Variants in CBX7 observed in about 807,000 individuals in gnomAD.
CBX7 encodes the protein chromobox protein homolog 7.
CBX7 carries 14 observed loss-of-function variants against 31.4 expected under a neutral mutation model. That is an observed-to-expected ratio of 0.45 (90% CI 0.29 to 0.70). The LOEUF is 0.70. Among genes scored for constraint, CBX7 ranks in the 30% least tolerant of loss-of-function variants. CBX7 has a pLI of 0.11. For missense variants in CBX7, 269 were observed against 351.9 expected (o/e 0.76, Z 1.89); for synonymous variants, 159 against 152.6 (o/e 1.04, Z -0.31).
At position 39,152,381 on chromosome 22, in the gene CBX7, G is replaced by A; in HGVS notation, c.64C>T (p.Arg22Trp). 2 of 1,398,738 alleles carry A rather than the reference G, an allele frequency of 1.4e-6. No individual in the cohort carries two copies. The highest frequency in any genetic ancestry group is 1.9e-6 in the Non-Finnish European group (2 of 1,068,838). The allele number at this position is 1,398,738 out of a possible 1,614,324, so 86.6% of individuals were successfully genotyped here. A position where few individuals can be genotyped will look rare whatever the true frequency, so the allele number is the denominator to read the frequency against. ...CCGCCCCCGGGCAGCCTCACCTTCC[G>A]CACGCGCTTCTTCCGGATGCTCTCC... The part of the protein sequence containing the change: ...AVESIRKKRV[R>W]KGKVEYLVKW... Residue 22 changes from arginine (R) to tryptophan (W), a missense_variant, in exon 1 of 6, where the codon CGG becomes TGG. Physicochemically the swap from Arg to Trp is moderately radical, Grantham distance 101. Around this residue, in one of 2 missense-constraint regions of CBX7, gnomAD observed 47 missense variants for 111.5 expected, o/e 0.42. Coordinates refer to ENST00000216133, the MANE Select transcript of CBX7 (RefSeq NM_175709.5). The surrounding 1 kb of genome is among the most constrained non-coding windows in gnomAD (Gnocchi z 4.9).
chr22:39,152,361 C>T lies in CBX7; in HGVS notation c.69+15G>A. On this transcript the variant is annotated intron_variant, in intron 1 of 5. Transcript: ENST00000216133. This position sits in a 1 kb window ranked among gnomAD's most constrained non-coding sequence, Gnocchi z 4.9. ...CCCCACTGGGGTCCTGGGAGCCGCC[C>T]CCGGGCAGCCTCACCTTCCGCACGC... 2.2e-6 allele frequency: 3 copies of T among 1,385,672 alleles called. No homozygotes were observed. Among genetic ancestry groups the T allele is most frequent in the Non-Finnish European group, 2.8e-6 (3 of 1,062,736 alleles). The allele number at this position is 1,385,672 out of a possible 1,614,324, so 85.8% of individuals were successfully genotyped here.
chr22:39,149,870 G>A, intron 1 of CBX7, 38 bp from the exon 2 acceptor site: 1 of 1,590,418 alleles, frequency 6.3e-7, no homozygotes, highest in South Asian at 1.1e-5. Flanking sequence ...GAGTCTCGTG[G>A]TTGCCCCTAC....
Position 39,132,586 on chromosome 22 carries a change from AG to A in CBX7, c.*1304del, listed in dbSNP as rs1367151074. The A allele has an allele frequency of 6.6e-6, 1 of 152,648 alleles. No individual in the cohort carries two copies. Among genetic ancestry groups the A allele is most frequent in the Non-Finnish European group, 1.5e-5 (1 of 68,162 alleles). 9.5% of individuals were successfully genotyped at this position (152,648 alleles called of 1,614,324 possible). ...CTGGGGCAAAGCCTGCCCATCACAC[AG>A]CACAGCCTGACCTCAGAGAGGCACG... On this transcript the variant is annotated 3_prime_UTR_variant, in exon 6 of 6. Transcript: ENST00000216133.
At chr22:39,140,693 C>T (rs1418407819) in intron 3 of CBX7, among the ~76,000 whole-genome samples, 3 of 152,012 alleles carry the variant, frequency 2.0e-5, no homozygotes, top group East Asian at 3.9e-4. Context: ...ACAAGGCAGG[C>T]GGGCTGGGAG....
chr22:39,139,757 C>T (rs1439380236), intron 3 of CBX7, among the ~76,000 whole-genome samples: 6 of 128,858 alleles, frequency 4.7e-5, no homozygotes, highest in Non-Finnish European at 6.6e-5. Flanking sequence ...AAACAAAAAA[C>T]CCCATTTACC....
intron 4 of CBX7, 107 bp downstream of exon 4, chr22:39,138,529 G>T: frequency 9.5e-7 from 1 of 1,049,920 alleles, no homozygotes; most frequent in African/African-American, 1.6e-5. Context: ...TGGTACAGGC[G>T]AGGGGACACA....
rs759756141 is a variant in CBX7 at position 39,134,021 on chromosome 22, G to A, written c.626C>T (p.Pro209Leu). The A allele has an allele frequency of 1.2e-6, 2 of 1,607,714 alleles. No homozygotes were observed. The highest frequency in any genetic ancestry group is 4.5e-5 in the East Asian group (2 of 44,618). The change falls in exon 6 of 6, where the codon CCT becomes CTT. Residue 209 changes from proline (P) to leucine (L), a missense_variant. This residue lies in a region of CBX7 where 222 missense variants were observed against 240.4 expected (regional missense o/e 0.92). Transcript: ENST00000216133. ...EADADLAEGP[P>L]PWTPALPSSE... ...TGAGGGGAGCGCAGGTGTCCAGGGAGGGGGCCCCTCGGCCAGGTCGGCATC... is the reference window on the plus strand; with the variant it reads ...TGAGGGGAGCGCAGGTGTCCAGGGAAGGGGCCCCTCGGCCAGGTCGGCATC...
At position 39,149,772 on chromosome 22, in the gene CBX7, C is replaced by T. The variant is rs1206455963; in HGVS notation, c.113+17G>A. 1 of 1,612,886 alleles carries T rather than the reference C, an allele frequency of 6.2e-7. No homozygotes were observed. Among genetic ancestry groups the T allele is most frequent in the Non-Finnish European group, 8.5e-7 (1 of 1,179,064 alleles). On this transcript the variant is annotated intron_variant, in intron 2 of 5. Coordinates refer to ENST00000216133, the MANE Select transcript of CBX7 (RefSeq NM_175709.5). Reference sequence around the variant, plus strand: ...CGGTAGGCAGACAGACAGACACACACACATGAAGGAGCTTACTTTGGGGGC... The same window carrying T: ...CGGTAGGCAGACAGACAGACACACATACATGAAGGAGCTTACTTTGGGGGC...
At chr22:39,143,907 A>G (rs1460142908) in intron 2 of CBX7, among the ~76,000 whole-genome samples, 2 of 152,230 alleles carry the variant, frequency 1.3e-5, no homozygotes, top group South Asian at 2.1e-4. Context: ...ATTTCTCAAA[A>G]TGTATCCTTG....
chr22:39,145,564 C>T (rs1454973586), intron 2 of CBX7, among the ~76,000 whole-genome samples: 2 of 151,952 alleles, frequency 1.3e-5, no homozygotes, highest in African/African-American at 4.8e-5. Context: ...GGCGTGGACA[C>T]CGGGGGACTG....
In CBX7 at chr22:39,134,391, G is replaced by T; in HGVS notation, c.598+10C>A. 1 of 1,589,522 alleles carries T rather than the reference G, an allele frequency of 6.3e-7. No homozygotes were observed. The highest frequency in any genetic ancestry group is 8.5e-7 in the Non-Finnish European group (1 of 1,174,896). On this transcript the variant is annotated intron_variant, in intron 5 of 5. Coordinates refer to ENST00000216133, the MANE Select transcript of CBX7 (RefSeq NM_175709.5). ...CAGCTCTGAGGGTCTCTGGGCTGGG[G>T]CCGCCTTACCCTCCTCTTCAGGGGG... is the stretch of plus-strand genomic sequence containing the variant.
chr22:39,145,529 T>C (rs1930617244), intron 2 of CBX7, among the ~76,000 whole-genome samples: 1 of 151,890 alleles, frequency 6.6e-6, no homozygotes, highest in African/African-American at 2.4e-5. Context: ...GGGGACACGC[T>C]CGTTGCCTGG....
chr22:39,144,138 T>TTCAGTCCCAAAATGCTGCCC (rs1930558328), intron 2 of CBX7, among the ~76,000 whole-genome samples: 1 of 152,032 alleles, frequency 6.6e-6, no homozygotes, highest in African/African-American at 2.4e-5. Context: ...CTAACGCTAG[T>TTCAGTCCCAAAATGCTGCCC]TCAGTCCCAA....
chr22:39,138,800 G>C, intron 3 of CBX7, 98 bp from the exon 4 acceptor site: 15 of 1,104,846 alleles, frequency 1.4e-5, no homozygotes, highest in Middle Eastern at 2.0e-4. Context: ...GTCTGTCAGG[G>C]AGGGGACACT....
At chr22:39,136,089 G>A (rs571018584) in intron 4 of CBX7, 12 of 138,242 alleles carry the variant, frequency 8.7e-5, no homozygotes, top group Middle Eastern at 3.6e-3. Context: ...GACTCTGTCT[G>A]GGAAAAAAAA....
intron 2 of CBX7, among the ~76,000 whole-genome samples, chr22:39,142,778 G>T (rs894296134): frequency 6.6e-6 from 1 of 151,976 alleles, no homozygotes. Flanking sequence ...GTCAAGTGCC[G>T]AATAACATTT....
intron 2 of CBX7, chr22:39,147,682 C>T (rs1338149388): frequency 6.6e-6 from 1 of 152,248 alleles, no homozygotes; most frequent in Non-Finnish European, 1.5e-5. Flanking sequence ...CACTCCCAGA[C>T]CGTGGTGGCA....
At chr22:39,151,006 G>A (rs1285205009) in intron 1 of CBX7, among the ~76,000 whole-genome samples, 1 of 152,200 alleles carries the variant, frequency 6.6e-6, no homozygotes, top group Non-Finnish European at 1.5e-5. Flanking sequence ...CCAGCTCCCT[G>A]AGGGAAGGGG....
Position 39,138,719 on chromosome 22 carries a change from G to A in CBX7, c.180-17C>T. The A allele has an allele frequency of 6.2e-7, 1 of 1,613,570 alleles. No homozygotes were observed. Among genetic ancestry groups the A allele is most frequent in the Non-Finnish European group, 8.5e-7 (1 of 1,179,478 alleles). On this transcript the variant is annotated splice_polypyrimidine_tract_variant and intron_variant, in intron 3 of 5. Coordinates refer to ENST00000216133, the MANE Select transcript of CBX7 (RefSeq NM_175709.5). ...CTCTCCTCCCTGGGGTGTGAAGCAG[G>A]TGGCAGAAGAAAAGGAAACACTGGT...
Sources: allele counts gnomAD v4.1 joint callset (sites outside exome capture counted in the v4.1 genomes callset), GRCh38; gene constraint gnomAD v4.1.1; regional missense constraint gnomAD v4.1.1; non-coding constraint Gnocchi (gnomAD v3.1); transcripts MANE v1.5; gene names NCBI Gene and HGNC (gene_info 2026-07-23, HGNC 2026-07-21).